SNTG1: variants seen among roughly 807,000 people sequenced by gnomAD.
The protein encoded by SNTG1 is syntrophin gamma 1, also known as gamma-1-syntrophin.
SNTG1 carries 39 observed loss-of-function variants against 74.7 expected under a neutral mutation model. That is an observed-to-expected ratio of 0.52 (90% CI 0.40 to 0.68). The LOEUF is 0.68. Among genes scored for constraint, SNTG1 ranks in the 30% least tolerant of loss-of-function variants. SNTG1 has a pLI of 0.00. For synonymous variants in SNTG1, 254 were observed against 217.1 expected, an observed-to-expected ratio of 1.17 and a Z score of -1.49; for missense variants, 685 against 609.5, an observed-to-expected ratio of 1.12 and a Z score of -1.30.
chr8:50,501,080 G>T (rs551672140), intron 8 of SNTG1, among the ~76,000 whole-genome samples: 1 of 152,240 alleles, frequency 6.6e-6, no homozygotes, highest in Admixed American at 6.5e-5. Flanking sequence ...AGGCCCAGGG[G>T]GAAGGCTAGC....
chr8:50,546,698 C>T (rs774863340), intron 11 of SNTG1, among the ~76,000 whole-genome samples: 1 of 152,038 alleles, frequency 6.6e-6, no homozygotes, highest in African/African-American at 2.4e-5. Flanking sequence ...CATGTCCCTA[C>T]AAAGGACATG....
chr8:50,587,797 C>CAA lies in SNTG1; in HGVS notation c.811-3072_811-3071dup, dbSNP rs545632682. ...GGGGGACGAGAGTGAGACTTCGTCT[C>CAA]AAAAAAAAAAAGAAAAGAAAAAGAA... On this transcript the variant is annotated intron_variant, in intron 12 of 18. Transcript: ENST00000642720. 4.6e-3 allele frequency among the ~76,000 whole-genome samples: 543 copies of CAA among 116,826 alleles called. 3 individuals carry two copies. Among genetic ancestry groups the CAA allele is most frequent in the African/African-American group, 0.016 (508 of 32,058 alleles). 76.6% of individuals were successfully genotyped at this position (116,826 alleles called of 152,430 possible).
intron 1 of SNTG1, among the ~76,000 whole-genome samples, chr8:50,150,945 C>T (rs932628103): frequency 2.0e-5 from 3 of 152,258 alleles, no homozygotes; most frequent in Admixed American, 6.5e-5. Context: ...AGGGAGGATT[C>T]CCTCTTTTTC....
intron 2 of SNTG1, among the ~76,000 whole-genome samples, chr8:50,305,732 C>A (rs957208779): frequency 4.6e-5 from 7 of 150,602 alleles, no homozygotes; most frequent in African/African-American, 1.7e-4. Flanking sequence ...ACATATAAAC[C>A]AAAAATTACT....
chr8:50,413,387 T>C (rs1429942236), intron 4 of SNTG1, among the ~76,000 whole-genome samples: 1 of 152,204 alleles, frequency 6.6e-6, no homozygotes, highest in Non-Finnish European at 1.5e-5. Flanking sequence ...TATTTTGTAA[T>C]ATTTTCATCC....
intron 2 of SNTG1, among the ~76,000 whole-genome samples, chr8:50,183,597 T>C (rs2083284005): frequency 6.6e-6 from 1 of 152,098 alleles, no homozygotes; most frequent in South Asian, 2.1e-4. Flanking sequence ...TTACATACCT[T>C]CCCAGCGTTT....
chr8:50,618,599 T>G (rs979381636), intron 13 of SNTG1, among the ~76,000 whole-genome samples: 4 of 152,232 alleles, frequency 2.6e-5, no homozygotes, highest in Non-Finnish European at 4.4e-5. Flanking sequence ...TTCACAAGGC[T>G]GCAATCAAGT....
At chr8:50,011,073 A>G (rs776721239) in intron 1 of SNTG1, among the ~76,000 whole-genome samples, 1 of 152,146 alleles carries the variant, frequency 6.6e-6, no homozygotes, top group Non-Finnish European at 1.5e-5. Context: ...GCAAGACTAC[A>G]TATATGCTTG....
rs2095464136 is a variant in SNTG1 at position 50,712,415 on chromosome 8, T to C, written c.1284+3437T>C. Among the ~76,000 whole-genome samples, 7 of 152,214 alleles carry C rather than the reference T, an allele frequency of 4.6e-5. No individual in the cohort carries two copies. The South Asian group carries it at 1.4e-3, about 31-fold the overall frequency. On this transcript the variant is annotated intron_variant, in intron 17 of 18. Coordinates refer to ENST00000642720, the MANE Select transcript of SNTG1 (RefSeq NM_018967.5). Reference sequence around the variant, plus strand: ...GTTTGAGAATCGAAAACTAGTGGAATAATGTACGACTGAAATTAAGACAAT... The same window carrying C: ...GTTTGAGAATCGAAAACTAGTGGAACAATGTACGACTGAAATTAAGACAAT...
chr8:50,077,566 A>T (rs1197344804), intron 1 of SNTG1, among the ~76,000 whole-genome samples: 1 of 152,198 alleles, frequency 6.6e-6, no homozygotes, highest in Non-Finnish European at 1.5e-5. Context: ...GCATTTTAAA[A>T]GCTTTAAGCT....
intron 1 of SNTG1, among the ~76,000 whole-genome samples, chr8:50,040,382 A>G (rs1487327731): frequency 6.6e-6 from 1 of 152,186 alleles, no homozygotes; most frequent in Non-Finnish European, 1.5e-5. Context: ...TATTTTTTCT[A>G]TCTCATTTTG....
intron 1 of SNTG1, among the ~76,000 whole-genome samples, chr8:50,094,496 A>G (rs2079856147): frequency 6.6e-6 from 1 of 152,174 alleles, no homozygotes; most frequent in South Asian, 2.1e-4. Flanking sequence ...GCAAAAAACA[A>G]ACAACCCTAT....
intron 18 of SNTG1, among the ~76,000 whole-genome samples, chr8:50,783,933 T>C (rs965925167): frequency 2.0e-5 from 3 of 152,222 alleles, no homozygotes; most frequent in African/African-American, 7.2e-5. Flanking sequence ...GTTATGATAT[T>C]CCAAATCTTA....
intron 17 of SNTG1, among the ~76,000 whole-genome samples, chr8:50,721,804 G>A (rs1171802793): frequency 1.3e-5 from 2 of 152,114 alleles, no homozygotes; most frequent in East Asian, 3.9e-4. Flanking sequence ...CATAGCTCTT[G>A]CAGGGATCAG....
chr8:50,012,216 G>A (rs574926202), intron 1 of SNTG1, among the ~76,000 whole-genome samples: 10 of 152,142 alleles, frequency 6.6e-5, no homozygotes, highest in Admixed American at 2.6e-4. Flanking sequence ...TTTTGTGGAC[G>A]TTGCCTGCAT....
chr8:50,168,375 A>G (rs2082696020), intron 1 of SNTG1, among the ~76,000 whole-genome samples: 1 of 152,182 alleles, frequency 6.6e-6, no homozygotes, highest in Non-Finnish European at 1.5e-5. Context: ...ACTGCCATTA[A>G]GTAACAATTT....
chr8:50,667,302 T>A (rs537165563), intron 15 of SNTG1, among the ~76,000 whole-genome samples: 8 of 152,226 alleles, frequency 5.3e-5, no homozygotes, highest in South Asian at 2.1e-4. Flanking sequence ...ACCACTTTTT[T>A]AAAAAGTTAC....
intron 3 of SNTG1, among the ~76,000 whole-genome samples, chr8:50,396,636 C>A (rs564524825): frequency 6.6e-6 from 1 of 152,252 alleles, no homozygotes; most frequent in African/African-American, 2.4e-5. Flanking sequence ...ATTTGCAGTC[C>A]ATTTTATTAT....
At chr8:50,042,755 G>A (rs1056293046) in intron 1 of SNTG1, among the ~76,000 whole-genome samples, 3 of 151,640 alleles carry the variant, frequency 2.0e-5, no homozygotes, top group African/African-American at 7.3e-5. Context: ...TAGAGGTAAG[G>A]TCTTGCATTG....
Sources: gnomAD v4.1 joint callset for allele counts (sites outside exome capture counted in the v4.1 genomes callset) on GRCh38, gnomAD v4.1.1 for gene constraint, MANE v1.5 for transcripts, NCBI Gene and HGNC (gene_info 2026-07-23, HGNC 2026-07-21) for gene names.